Variants in STXBP5L observed in about 807,000 individuals in gnomAD.
STXBP5L encodes syntaxin binding protein 5L.
A neutral mutation model predicts 144.5 loss-of-function variants in STXBP5L; 65 were observed. The observed-to-expected ratio is 0.45, with a 90% CI of 0.37 to 0.55. STXBP5L has a LOEUF of 0.55. STXBP5L is among the 20% of genes least tolerant of loss of function. The pLI, the probability that STXBP5L is intolerant of heterozygous loss-of-function variation, is 0.00. For missense variants in STXBP5L, 1,298 were observed against 1,405.5 expected, an observed-to-expected ratio of 0.92 and a Z score of 1.22; for synonymous variants, 505 against 469.6, an observed-to-expected ratio of 1.08 and a Z score of -0.97.
intron 22 of STXBP5L, among the ~76,000 whole-genome samples, chr3:121,384,126 G>T (rs1240837646): frequency 6.6e-6 from 1 of 152,066 alleles, no homozygotes; most frequent in East Asian, 1.9e-4. Flanking sequence ...CATTTACCAA[G>T]CCCATACCAC....
intron 3 of STXBP5L, among the ~76,000 whole-genome samples, chr3:121,029,152 C>G (rs1466543677): frequency 6.6e-6 from 1 of 152,156 alleles, no homozygotes. Context: ...CTACCACTGA[C>G]TTTCTTCACA....
chr3:121,253,810 C>CTTTTTTTTTTTTTT (rs34678687), intron 15 of STXBP5L, among the ~76,000 whole-genome samples: 3 of 95,080 alleles, frequency 3.2e-5, no homozygotes, highest in Non-Finnish European at 1.9e-5. Context: ...TTTTTTTTTT[C>CTTTTTTTTTTTTTT]TTTTTTTTTT....
intron 18 of STXBP5L, among the ~76,000 whole-genome samples, chr3:121,273,007 C>T (rs1278302611): frequency 6.6e-6 from 1 of 151,960 alleles, no homozygotes; most frequent in African/African-American, 2.4e-5. Flanking sequence ...ATACTTTTGT[C>T]TTTTGACCTT....
intron 3 of STXBP5L, among the ~76,000 whole-genome samples, chr3:120,997,690 G>C (rs946505362): frequency 1.3e-5 from 2 of 152,026 alleles, no homozygotes; most frequent in African/African-American, 4.8e-5. Flanking sequence ...TTTGTCAGAT[G>C]CATAGCTTGC....
At chr3:121,205,204 G>A (rs1367620391) in intron 9 of STXBP5L, among the ~76,000 whole-genome samples, 1 of 152,188 alleles carries the variant, frequency 6.6e-6, no homozygotes, top group Non-Finnish European at 1.5e-5. Context: ...ACTACGCAAT[G>A]TATAAACAAT....
intron 22 of STXBP5L, among the ~76,000 whole-genome samples, chr3:121,403,038 CT>C (rs772388206): frequency 2.0e-4 from 31 of 152,136 alleles, no homozygotes; most frequent in Non-Finnish European, 4.1e-4. Context: ...CCAAAACTTG[CT>C]TTTCTGTCTT....
chr3:121,188,753 C>G (rs149093807), intron 9 of STXBP5L, among the ~76,000 whole-genome samples: 15,120 of 152,204 alleles, frequency 0.099, 1,186 homozygotes, highest in Admixed American at 0.2. Context: ...TGGCAAAATT[C>G]AACAACCCTT....
intron 20 of STXBP5L, among the ~76,000 whole-genome samples, chr3:121,377,204 T>A (rs868842212): frequency 6.6e-5 from 10 of 152,184 alleles, no homozygotes; most frequent in African/African-American, 2.4e-4. Flanking sequence ...TCTTTTCCTA[T>A]TTGAATACCC....
At chr3:121,225,673 T>G (rs559265909) in intron 11 of STXBP5L, among the ~76,000 whole-genome samples, 27 of 152,278 alleles carry the variant, frequency 1.8e-4, no homozygotes, top group African/African-American at 6.3e-4. Context: ...TAAGGAGGAC[T>G]AAAGAAAGGG....
chr3:120,952,104 A>G (rs1208197870), intron 2 of STXBP5L, among the ~76,000 whole-genome samples: 1 of 147,852 alleles, frequency 6.8e-6, no homozygotes, highest in African/African-American at 2.5e-5. Flanking sequence ...GAATTGAACA[A>G]TGAGAACACA....
At chr3:121,010,682 G>A (rs1013714096) in intron 3 of STXBP5L, among the ~76,000 whole-genome samples, 5 of 151,788 alleles carry the variant, frequency 3.3e-5, no homozygotes, top group African/African-American at 1.2e-4. Context: ...AACATAAACA[G>A]TCAATTAATA....
intron 20 of STXBP5L, among the ~76,000 whole-genome samples, chr3:121,326,625 A>C (rs188364513): frequency 6.6e-6 from 1 of 152,218 alleles, no homozygotes; most frequent in Admixed American, 6.5e-5. Flanking sequence ...TATGTTGCTT[A>C]GTGGAAATGG....
At chr3:121,283,540 A>T (rs1475096202) in intron 19 of STXBP5L, among the ~76,000 whole-genome samples, 2 of 152,128 alleles carry the variant, frequency 1.3e-5, no homozygotes, top group Admixed American at 1.3e-4. Flanking sequence ...ATTTCTTGAC[A>T]TCTGAAAATT....
intron 3 of STXBP5L, among the ~76,000 whole-genome samples, chr3:121,029,960 A>T (rs1946246431): frequency 6.6e-6 from 1 of 152,220 alleles, no homozygotes; most frequent in Non-Finnish European, 1.5e-5. Context: ...GAGAAATGCA[A>T]ATCAAAACTA....
chr3:121,035,048 C>T (rs1243743714), intron 3 of STXBP5L, among the ~76,000 whole-genome samples: 1 of 152,008 alleles, frequency 6.6e-6, no homozygotes, highest in African/African-American at 2.4e-5. Context: ...TGTCCTTTGC[C>T]TGTTTTTTAA....
At position 121,420,171 on chromosome 3, in the gene STXBP5L, T is replaced by A. The variant is rs1311731479; in HGVS notation, c.*1074T>A. 6.6e-6 allele frequency: 1 copy of A among 152,190 alleles called. No homozygotes were observed. The highest frequency in any genetic ancestry group is 1.5e-5 in the Non-Finnish European group (1 of 68,030). The allele number at this position is 152,190 out of a possible 1,614,324, so 9.4% of individuals were successfully genotyped here. On this transcript the variant is annotated 3_prime_UTR_variant, in exon 27 of 27. Transcript: ENST00000471454. ...CTCTTTAGTGTGATTCAGTAAAATC[T>A]CAGTTAATGTTTTGGGAAAGGGATT... is the stretch of plus-strand genomic sequence containing the variant.
chr3:120,967,624 C>A lies in STXBP5L; in HGVS notation c.287+12587C>A, dbSNP rs1178470355. ...CTTTATACTCTAATGTTTATTATTTCTTTCCTTCTACTAATTTTGGGTTTG... is the reference window on the plus strand; with the variant it reads ...CTTTATACTCTAATGTTTATTATTTATTTCCTTCTACTAATTTTGGGTTTG... On this transcript the variant is annotated intron_variant, in intron 3 of 26. Transcript: ENST00000471454. Among the ~76,000 whole-genome samples, 5 of 151,818 alleles carry A rather than the reference C, an allele frequency of 3.3e-5. No homozygotes were observed. In the East Asian group the frequency reaches 7.7e-4, roughly 24 times the overall value.
chr3:120,930,073 A>T (rs1173021187), intron 2 of STXBP5L, among the ~76,000 whole-genome samples: 1 of 147,240 alleles, frequency 6.8e-6, no homozygotes, highest in Non-Finnish European at 1.5e-5. Flanking sequence ...CATAATTCAT[A>T]TTTTTTTCTA....
chr3:120,990,739 T>C (rs9865589), intron 3 of STXBP5L, among the ~76,000 whole-genome samples: 15,121 of 152,260 alleles, frequency 0.099, 1,187 homozygotes, highest in Admixed American at 0.2. Flanking sequence ...AAAAGATTCC[T>C]TATTTAATAG....
Sources: allele counts gnomAD v4.1 joint callset (sites outside exome capture counted in the v4.1 genomes callset), GRCh38; gene constraint gnomAD v4.1.1; transcripts MANE v1.5; gene names NCBI Gene and HGNC (gene_info 2026-07-23, HGNC 2026-07-21).